GREB1L: variants seen among roughly 807,000 people sequenced by gnomAD.
GREB1L encodes the protein GREB1 like retinoic acid receptor coactivator.
In GREB1L, 17 loss-of-function variants were observed where a neutral mutation model predicts 200.8. The ratio of observed to expected loss-of-function variants is 0.08; its 90% CI spans 0.06 to 0.13. The LOEUF (loss-of-function observed/expected upper bound fraction) is 0.13, where lower values mean the gene tolerates loss of function less well. GREB1L is among the 10% of genes least tolerant of loss of function. The probability of loss-of-function intolerance (pLI) is 1.00; values close to 1 mark genes in which losing one functional copy is unlikely to be tolerated. For missense variants in GREB1L, 1,657 were observed against 2,367.7 expected (o/e 0.70, Z 6.23); for synonymous variants, 789 against 893.0 (o/e 0.88, Z 2.08).
chr18:21,418,756 C>T (rs1213331805), intron 7 of GREB1L, among the ~76,000 whole-genome samples: 1 of 152,116 alleles, frequency 6.6e-6, no homozygotes, highest in African/African-American at 2.4e-5. Flanking sequence ...AGCTCCTGGC[C>T]TCAAGTCATC....
rs1033515751 is a variant in GREB1L, at chr18:21,418,222, G to A, written c.832+14228G>A. On this transcript the variant is annotated intron_variant, in intron 7 of 32. Transcript: ENST00000424526. Reference sequence around the variant, plus strand: ...TACATGAAATTTTGCAACATCACCTGAGGTTTTACAGTGGCAAGTGAGGAT... The same window carrying A: ...TACATGAAATTTTGCAACATCACCTAAGGTTTTACAGTGGCAAGTGAGGAT... 3.9e-5 allele frequency among the ~76,000 whole-genome samples: 6 copies of A among 152,102 alleles called. No homozygotes were observed. The South Asian group carries it at 6.2e-4, about 16-fold the overall frequency.
intron 23 of GREB1L, among the ~76,000 whole-genome samples, chr18:21,501,972 C>T (rs547529534): frequency 1.5e-3 from 235 of 152,230 alleles, no homozygotes; most frequent in African/African-American, 5.1e-3. Flanking sequence ...TGGCTCGGCT[C>T]GGCACTGGCA....
At position 21,525,479 on chromosome 18, in the gene GREB1L, C is replaced by T. The variant is rs2037669924; in HGVS notation, c.*2658C>T. 6.6e-6 allele frequency: 1 copy of T among 151,994 alleles called. No homozygotes were observed. The highest frequency in any genetic ancestry group is 1.5e-5 in the Non-Finnish European group (1 of 67,984). The allele number at this position is 151,994 out of a possible 1,614,324, so 9.4% of individuals were successfully genotyped here. Reference sequence around the variant, plus strand: ...TTTGTTAAGAAAACAAGCTCCCTGACTCTGGCAATGTCCTAAAAAGGCTGG... The same window carrying T: ...TTTGTTAAGAAAACAAGCTCCCTGATTCTGGCAATGTCCTAAAAAGGCTGG... On this transcript the variant is annotated 3_prime_UTR_variant, in exon 33 of 33. Coordinates refer to ENST00000424526, the MANE Select transcript of GREB1L (RefSeq NM_001142966.3).
chr18:21,254,754 CCAGCTTGTCTTT>C (rs1210831920), intron 1 of GREB1L, among the ~76,000 whole-genome samples: 2 of 152,146 alleles, frequency 1.3e-5, no homozygotes, highest in African/African-American at 4.8e-5. Flanking sequence ...TGTTTGTCTT[CCAGCTTGTCTTT>C]TCACTATCCC....
rs1240087893 is a variant in GREB1L at position 21,490,143 on chromosome 18, A to T, written c.2822A>T (p.Asp941Val). 1 of 1,551,662 alleles carries T rather than the reference A, an allele frequency of 6.4e-7. No homozygotes were observed. The highest frequency in any genetic ancestry group is 1.4e-5 in the African/African-American group (1 of 73,030). The change falls in exon 19 of 33, where the codon GAT becomes GTT. Residue 941 changes from aspartate to valine, a missense_variant. By Grantham distance (152) the Asp-to-Val change is radical. Coordinates refer to ENST00000424526, the MANE Select transcript of GREB1L (RefSeq NM_001142966.3). ...HSTPETLSIM[D>V]DLISSPGKNK... ...ACACCAGAAACACTCAGCATTATGG[A>T]TGACCTCATCAGCTCCCCAGGCAAA...
chr18:21,301,098 T>C (rs2038610199), intron 1 of GREB1L, among the ~76,000 whole-genome samples: 1 of 152,236 alleles, frequency 6.6e-6, no homozygotes, highest in South Asian at 2.1e-4. Flanking sequence ...GGCAGGATGC[T>C]ATTCGGAAAA....
intron 1 of GREB1L, among the ~76,000 whole-genome samples, chr18:21,334,767 C>T (rs1403967891): frequency 7.2e-6 from 1 of 139,010 alleles, no homozygotes; most frequent in Admixed American, 6.9e-5. Flanking sequence ...AGTATGACCC[C>T]ATCTCAAAAA....
chr18:21,375,238 T>C (rs1172443761), intron 2 of GREB1L, among the ~76,000 whole-genome samples: 1 of 151,866 alleles, frequency 6.6e-6, no homozygotes, highest in Non-Finnish European at 1.5e-5. Flanking sequence ...CTAATTTTTG[T>C]ATTTTTAGTA....
intron 1 of GREB1L, among the ~76,000 whole-genome samples, chr18:21,294,860 C>T (rs2144623417): frequency 6.6e-6 from 1 of 152,096 alleles, no homozygotes; most frequent in South Asian, 2.1e-4. Context: ...GATTTGAATC[C>T]AGGCCTGTTT....
chr18:21,510,308 G>A (rs2037188235), intron 27 of GREB1L, among the ~76,000 whole-genome samples: 1 of 151,592 alleles, frequency 6.6e-6, no homozygotes, highest in African/African-American at 2.4e-5. Flanking sequence ...CTGATTTCCA[G>A]AACTCTTTTC....
intron 7 of GREB1L, among the ~76,000 whole-genome samples, chr18:21,438,916 G>A (rs746907564): frequency 2.3e-5 from 3 of 131,806 alleles, no homozygotes; most frequent in East Asian, 4.6e-4. Context: ...AGCCAAGATC[G>A]CACCACTGCA....
intron 1 of GREB1L, among the ~76,000 whole-genome samples, chr18:21,281,307 C>T (rs1487803381): frequency 6.6e-6 from 1 of 152,218 alleles, no homozygotes; most frequent in Non-Finnish European, 1.5e-5. Context: ...TTCAACTTCT[C>T]ATTGCTGCAA....
chr18:21,348,157 G>C (rs2039380062), intron 1 of GREB1L, among the ~76,000 whole-genome samples: 1 of 151,746 alleles, frequency 6.6e-6, no homozygotes, highest in Admixed American at 6.6e-5. Context: ...GTGTTAACCA[G>C]GATGGTCTCA....
intron 1 of GREB1L, among the ~76,000 whole-genome samples, 197 bp downstream of exon 1, chr18:21,242,590 G>C (rs2143767619): frequency 6.6e-6 from 1 of 152,266 alleles, no homozygotes; most frequent in Non-Finnish European, 1.5e-5. Flanking sequence ...TGCGGGTGGC[G>C]AGGGAGCGCC....
intron 27 of GREB1L, among the ~76,000 whole-genome samples, chr18:21,509,130 C>T (rs539253153): frequency 3.9e-5 from 6 of 152,296 alleles, no homozygotes; most frequent in African/African-American, 9.6e-5. Flanking sequence ...AAGAGCAATG[C>T]GCTGATTTCT....
intron 15 of GREB1L, among the ~76,000 whole-genome samples, chr18:21,464,654 T>C (rs1178566580): frequency 6.6e-6 from 1 of 151,838 alleles, no homozygotes; most frequent in Non-Finnish European, 1.5e-5. Context: ...AATGGAGAGA[T>C]CTGGCAGTAG....
At chr18:21,318,958 C>T (rs868507265) in intron 1 of GREB1L, among the ~76,000 whole-genome samples, 11 of 152,146 alleles carry the variant, frequency 7.2e-5, no homozygotes, top group African/African-American at 1.4e-4. Flanking sequence ...AGGACTTCAC[C>T]GCATGGAGAG....
chr18:21,384,611 C>T (rs1445658002), intron 4 of GREB1L, among the ~76,000 whole-genome samples: 1 of 152,128 alleles, frequency 6.6e-6, no homozygotes, highest in African/African-American at 2.4e-5. Context: ...CCCATCTTAA[C>T]AGATAAAGAG....
chr18:21,493,898 T>G (rs1457164436), intron 19 of GREB1L, among the ~76,000 whole-genome samples: 1 of 57,644 alleles, frequency 1.7e-5, no homozygotes, highest in East Asian at 9.2e-4. Flanking sequence ...AAAAAAGTCC[T>G]CATACAGTAA....
Sources: allele counts gnomAD v4.1 joint callset (sites outside exome capture counted in the v4.1 genomes callset), GRCh38; gene constraint gnomAD v4.1.1; transcripts MANE v1.5; gene names NCBI Gene and HGNC (gene_info 2026-07-23, HGNC 2026-07-21).